Variants in PRKG1 observed in about 807,000 individuals in gnomAD.
PRKG1 encodes the protein protein kinase cGMP-dependent 1, also known as cGMP-dependent protein kinase 1.
In PRKG1, 35 loss-of-function variants were observed where a neutral mutation model predicts 88.1. The observed-to-expected ratio is 0.40, with a 90% confidence interval of 0.30 to 0.53. The LOEUF (loss-of-function observed/expected upper bound fraction) is 0.53. Among genes scored for constraint, PRKG1 ranks in the 20% least tolerant of loss-of-function variants. PRKG1 has a pLI of 0.59. For missense variants in PRKG1, 540 were observed against 839.8 expected (o/e 0.64, Z 4.41); for synonymous variants, 303 against 292.5 (o/e 1.04, Z -0.37).
At chr10:51,704,436 G>T (rs1456156775) in intron 3 of PRKG1, among the ~76,000 whole-genome samples, 1 of 152,116 alleles carries the variant, frequency 6.6e-6, no homozygotes, top group African/African-American at 2.4e-5. Flanking sequence ...ATTGAATAAC[G>T]TGCCTCAAAT....
chr10:51,355,817 G>C (rs1842354344), intron 2 of PRKG1, among the ~76,000 whole-genome samples: 1 of 151,958 alleles, frequency 6.6e-6, no homozygotes, highest in African/African-American at 2.4e-5. Flanking sequence ...TGTTGTCTTT[G>C]CAAATATTCC....
rs990041022 is a variant in PRKG1 at position 51,872,509 on chromosome 10, G to T, written c.699-34998G>T. 2.0e-5 allele frequency among the ~76,000 whole-genome samples: 3 copies of T among 152,042 alleles called. No individual in the cohort carries two copies. The East Asian group carries it at 5.8e-4, about 29-fold the overall frequency. On this transcript the variant is annotated intron_variant, in intron 4 of 17. Coordinates refer to ENST00000373980, the MANE Select transcript of PRKG1 (RefSeq NM_006258.4). ...ACTGAATTTGGTTAAATTCAATAAG[G>T]CATTCTTCCCTTGTGGCAAAGATAA... is the stretch of plus-strand genomic sequence containing the variant.
intron 5 of PRKG1, among the ~76,000 whole-genome samples, chr10:52,035,633 G>A (rs989628256): frequency 1.3e-5 from 2 of 152,164 alleles, no homozygotes; most frequent in African/African-American, 2.4e-5. Flanking sequence ...CAGGAATAAC[G>A]TGGGAGGCCG....
intron 2 of PRKG1, among the ~76,000 whole-genome samples, chr10:51,166,172 G>A (rs569085351): frequency 1.3e-5 from 2 of 150,910 alleles, no homozygotes; most frequent in Non-Finnish European, 2.9e-5. Context: ...ATCCTTGATG[G>A]TTCACTCAAT....
chr10:51,398,939 A>G (rs1837654694), intron 2 of PRKG1, among the ~76,000 whole-genome samples: 1 of 152,088 alleles, frequency 6.6e-6, no homozygotes, highest in Non-Finnish European at 1.5e-5. Context: ...TTCAGATTTC[A>G]GACTAAACCT....
intron 5 of PRKG1, among the ~76,000 whole-genome samples, chr10:52,001,673 C>T (rs1256382154): frequency 3.3e-5 from 5 of 151,600 alleles, no homozygotes; most frequent in Non-Finnish European, 5.9e-5. Context: ...AAAGTAAATA[C>T]TTAAAAATGT....
chr10:51,565,054 T>C (rs1362828296), intron 3 of PRKG1, among the ~76,000 whole-genome samples: 1 of 152,060 alleles, frequency 6.6e-6, no homozygotes, highest in Non-Finnish European at 1.5e-5. Context: ...GCCAGCTCAA[T>C]GATAAAAGCT....
chr10:51,072,508 G>T (rs529051446), upstream of PRKG1, among the ~76,000 whole-genome samples: 1 of 151,866 alleles, frequency 6.6e-6, no homozygotes, highest in East Asian at 1.9e-4. Flanking sequence ...CTTCTGCTTG[G>T]TTTACTTTTA....
chr10:51,515,221 G>A (rs149005899), intron 3 of PRKG1, among the ~76,000 whole-genome samples: 2 of 152,196 alleles, frequency 1.3e-5, no homozygotes, highest in African/African-American at 4.8e-5. Context: ...AGACAAAATA[G>A]GGAATCAGCA....
chr10:51,113,881 A>G (rs1012576632), intron 1 of PRKG1, among the ~76,000 whole-genome samples: 9 of 151,878 alleles, frequency 5.9e-5, no homozygotes, highest in African/African-American at 1.9e-4. Flanking sequence ...CACTCAGAAC[A>G]TGAGATGCAT....
chr10:51,736,357 C>T (rs1334235920), intron 3 of PRKG1, among the ~76,000 whole-genome samples: 1 of 152,134 alleles, frequency 6.6e-6, no homozygotes, highest in African/African-American at 2.4e-5. Flanking sequence ...CTCAAACAAT[C>T]CTCCCACTTC....
At chr10:51,021,081 A>T (rs550132197) in intron 1 of PRKG1, among the ~76,000 whole-genome samples, 1 of 152,224 alleles carries the variant, frequency 6.6e-6, no homozygotes, top group Non-Finnish European at 1.5e-5. Flanking sequence ...AACAGTGAAG[A>T]TCCCCATAAA....
At chr10:51,833,453 A>ATCC (rs1424060365) in intron 4 of PRKG1, among the ~76,000 whole-genome samples, 3 of 152,206 alleles carry the variant, frequency 2.0e-5, no homozygotes, top group African/African-American at 7.2e-5. Context: ...TATTATTCCA[A>ATCC]ATTTATAAAT....
chr10:51,704,312 A>C (rs755094694), intron 3 of PRKG1, among the ~76,000 whole-genome samples: 12 of 152,156 alleles, frequency 7.9e-5, no homozygotes, highest in Non-Finnish European at 1.3e-4. Flanking sequence ...CACCTGGGAT[A>C]GAGCTCAGCA....
intron 3 of PRKG1, among the ~76,000 whole-genome samples, chr10:51,726,556 G>A (rs546043256): frequency 1.1e-4 from 16 of 152,264 alleles, no homozygotes; most frequent in African/African-American, 1.7e-4. Context: ...TGTCTGTCAC[G>A]ATATTTCAGA....
chr10:51,241,479 G>A (rs1482247590), intron 2 of PRKG1, among the ~76,000 whole-genome samples: 2 of 152,138 alleles, frequency 1.3e-5, no homozygotes, highest in Admixed American at 6.5e-5. Flanking sequence ...GCCGAGGGAG[G>A]TAAAGTAATA....
intron 2 of PRKG1, among the ~76,000 whole-genome samples, chr10:51,446,516 AT>A (rs1839276602): frequency 6.6e-6 from 1 of 151,982 alleles, no homozygotes. Context: ...AATTTCTAAA[AT>A]GTGTTCATTT....
chr10:52,017,345 C>T (rs1339218394), intron 5 of PRKG1, among the ~76,000 whole-genome samples: 1 of 152,110 alleles, frequency 6.6e-6, no homozygotes, highest in Non-Finnish European at 1.5e-5. Context: ...AGAAGTCAAA[C>T]CAGACAGTGT....
intron 3 of PRKG1, among the ~76,000 whole-genome samples, chr10:51,803,932 G>C (rs185521488): frequency 6.6e-6 from 1 of 152,210 alleles, no homozygotes; most frequent in Non-Finnish European, 1.5e-5. Context: ...AAATGGTGAA[G>C]TTGTGGGGTA....
Sources: gnomAD v4.1 joint callset for allele counts (sites outside exome capture counted in the v4.1 genomes callset) on GRCh38, gnomAD v4.1.1 for gene constraint, MANE v1.5 for transcripts, NCBI Gene and HGNC (gene_info 2026-07-23, HGNC 2026-07-21) for gene names.